The following SELP variants were observed in gnomAD, a reference collection of about 807,000 sequenced individuals.
The protein encoded by SELP is selectin P.
A neutral mutation model predicts 104.1 loss-of-function variants in SELP; 92 were observed. That is an observed-to-expected ratio of 0.88 (90% CI 0.75 to 1.05). The LOEUF is 1.05. Ranked by LOEUF, SELP falls within the 50% of genes least tolerant of loss-of-function variation. The pLI is 0.00. For synonymous variants in SELP, 397 were observed against 364.5 expected (o/e 1.09, Z -1.01); for missense variants, 1,022 against 1,017.3 (o/e 1.00, Z -0.06).
At chr1:169,603,321 G>C (rs879406224) in intron 9 of SELP, 110 bp from the exon 10 acceptor site, 25,838 of 526,104 alleles carry the variant, frequency 0.049, 900 homozygotes, top group East Asian at 0.21. Flanking sequence ...GTGTGTGTGT[G>C]TGTGTGTGTG....
chr1:169,628,798 A>G (rs908490322), intron 1 of SELP, among the ~76,000 whole-genome samples: 5 of 152,244 alleles, frequency 3.3e-5, no homozygotes, highest in African/African-American at 7.2e-5. Context: ...ATTCAGAAGT[A>G]TGACATGCAA....
At chr1:169,622,650 T>C (rs1663192638) in intron 1 of SELP, among the ~76,000 whole-genome samples, 1 of 152,246 alleles carries the variant, frequency 6.6e-6, no homozygotes, top group Admixed American at 6.5e-5. Context: ...GTACTGAAAG[T>C]AGTTGTCATG....
chr1:169,613,710 A>G lies in SELP; in HGVS notation c.482-17T>C. The G allele has an allele frequency of 6.2e-7, 1 of 1,605,334 alleles. No individual in the cohort carries two copies. The highest frequency in any genetic ancestry group is 8.5e-7 in the Non-Finnish European group (1 of 1,172,126). ...GGCAGGAGGCTGCATAGATATGGAAAGGTCAGAGTCATGGACATTCACAGA... is the reference window on the plus strand; with the variant it reads ...GGCAGGAGGCTGCATAGATATGGAAGGGTCAGAGTCATGGACATTCACAGA... On this transcript the variant is annotated splice_polypyrimidine_tract_variant and intron_variant, in intron 3 of 16. Transcript: ENST00000263686.
chr1:169,609,513 C>T lies in SELP; in HGVS notation c.1324G>A (p.Val442Ile). ...NLGQWTAPAPVCQALQCQDLP... is the reference protein window; with the variant it reads ...NLGQWTAPAPICQALQCQDLP... The stretch of plus-strand genomic sequence containing the variant: ...ACCACTGTTACAGTACCTTGACAGA[C>T]TGGGGCTGGTGCTGTCCACTGTCCC... Residue 442 changes from valine (V) to isoleucine (I), a missense_variant, in exon 8 of 17, where the codon GTC (valine) becomes ATC (isoleucine). Val to Ile is a conservative substitution (Grantham distance 29). Transcript: ENST00000263686. 1 of 1,612,612 alleles carries T rather than the reference C, an allele frequency of 6.2e-7. No individual in the cohort carries two copies. The highest frequency in any genetic ancestry group is 8.5e-7 in the Non-Finnish European group (1 of 1,179,246).
Position 169,591,441 on chromosome 1 carries a change from G to A in SELP, c.2423C>T (p.Pro808Leu), listed in dbSNP as rs938986069. 1.9e-6 allele frequency: 3 copies of A among 1,582,398 alleles called. No homozygotes were observed. The highest frequency in any genetic ancestry group is 3.7e-5 in the Admixed American group (2 of 54,530). ...TCTACCTTACCTGTGAGGATTCAAG[G>A]GGCATTTCCCATCATCTAAAATCAG... ...RFRQKDDGKC[P>L]LNPHSHLGTY... The change falls in exon 15 of 17, where the codon CCC becomes CTC. Residue 808 changes from proline (P) to leucine (L), a missense_variant. By Grantham distance (98) the Pro-to-Leu change is moderately conservative (BLOSUM62 -3). Transcript: ENST00000263686.
At chr1:169,591,106 A>T (rs1571615266) in intron 15 of SELP, among the ~76,000 whole-genome samples, 1 of 152,176 alleles carries the variant, frequency 6.6e-6, no homozygotes, top group African/African-American at 2.4e-5. Flanking sequence ...TTCCCCCATC[A>T]GTCCACCTGC....
Position 169,598,276 on chromosome 1 carries a change from T to C in SELP, c.1706-1100A>G, listed in dbSNP as rs144995961. ...TTGGGTTATAGACAAATGAAGTGAC[T>C]ATTCTTTCTTTAAATCTAAGGCTAT... is the stretch of plus-strand genomic sequence containing the variant. On this transcript the variant is annotated intron_variant, in intron 10 of 16. Transcript: ENST00000263686. Among the ~76,000 whole-genome samples, 908 of 152,342 alleles carry C rather than the reference T, an allele frequency of 6.0e-3. 10 individuals carry two copies. The highest frequency in any genetic ancestry group is 0.021 in the African/African-American group (879 of 41,564).
At chr1:169,618,447 G>A (rs1411347046) in intron 2 of SELP, among the ~76,000 whole-genome samples, 1 of 152,178 alleles carries the variant, frequency 6.6e-6, no homozygotes, top group Admixed American at 6.5e-5. Flanking sequence ...AGGTACTACA[G>A]CACTCTTATC....
rs1557963517 is a variant in SELP at position 169,612,252 on chromosome 1, G to A, written c.926C>T (p.Ser309Leu). The A allele has an allele frequency of 8.1e-6, 13 of 1,614,058 alleles. No homozygotes were observed. Among genetic ancestry groups the A allele is most frequent in the Admixed American group, 1.7e-5 (1 of 60,020 alleles). Residue 309 changes from serine (S) to leucine (L), a missense_variant, in exon 6 of 17, where the codon TCG (serine) becomes TTG (leucine). Physicochemically the swap from Ser to Leu is moderately radical, Grantham distance 145. Coordinates refer to ENST00000263686, the MANE Select transcript of SELP (RefSeq NM_003005.4). ...TGGGGCTGGGGCTGTCCATACCCCC[G>A]AGGCTGTGCATTGCACCACTTCCGG... ...VGPEVVQCTA[S>L]GVWTAPAPVC...
Position 169,617,368 on chromosome 1 carries a change from G to T in SELP, c.141C>A (p.Ser47Arg). ...KEVAAWTYHY[S>R]TKAYSWNISR... The stretch of plus-strand genomic sequence containing the variant: ...AAATATTCCATGAGTATGCTTTTGT[G>T]CTGTAATGATAAGTCCATGCTGCCA... The change falls in exon 3 of 17, where the codon AGC becomes AGA. Residue 47 changes from serine to arginine, a missense_variant. By Grantham distance (110) the Ser-to-Arg change is moderately radical. Transcript: ENST00000263686. 1 of 1,614,058 alleles carries T rather than the reference G, an allele frequency of 6.2e-7. No homozygotes were observed. Among genetic ancestry groups the T allele is most frequent in the Non-Finnish European group, 8.5e-7 (1 of 1,179,972 alleles).
Position 169,621,173 on chromosome 1 carries a change from G to T in SELP, c.4-1954C>A, listed in dbSNP as rs1250330776. 1.8e-4 allele frequency among the ~76,000 whole-genome samples: 25 copies of T among 140,818 alleles called. 3 individuals carry two copies. Among genetic ancestry groups the T allele is most frequent in the African/African-American group, 4.8e-4 (17 of 35,334 alleles). The allele number at this position is 140,818 out of a possible 152,430, so 92.4% of individuals were successfully genotyped here. ...CATGGGACTGTGTGGGGTTGTGTGT[G>T]TGTTCGTGTGTCATGCCCCAGTGAT... On this transcript the variant is annotated intron_variant, in intron 1 of 16. Coordinates refer to ENST00000263686, the MANE Select transcript of SELP (RefSeq NM_003005.4).
chr1:169,617,139 T>C lies in SELP; in HGVS notation c.370A>G (p.Asn124Asp), dbSNP rs1557968812. Residue 124 changes from asparagine (N) to aspartate (D), a missense_variant, in exon 3 of 17, where the codon AAC (asparagine) becomes GAC (aspartate). Physicochemically the swap from Asn to Asp is conservative, Grantham distance 23. Transcript: ENST00000263686. ...AENWADNEPNNKRNNEDCVEI... is the reference protein window; with the variant it reads ...AENWADNEPNDKRNNEDCVEI... ...ACGCAGTCCTCGTTGTTCCTTTTGT[T>C]GTTAGGTTCATTATCAGCCCAGTTC... 5 of 1,614,168 alleles carry C rather than the reference T, an allele frequency of 3.1e-6. No individual in the cohort carries two copies. Among genetic ancestry groups the C allele is most frequent in the Non-Finnish European group, 4.2e-6 (5 of 1,180,030 alleles).
intron 11 of SELP, 50 bp from the exon 12 acceptor site, chr1:169,596,184 G>C: frequency 2.0e-6 from 3 of 1,505,282 alleles, no homozygotes; most frequent in Non-Finnish European, 2.8e-6. Flanking sequence ...TAAAAGAAGC[G>C]TTAACAGAGT....
Position 169,616,980 on chromosome 1 carries a change from G to GC in SELP, c.481+47_481+48insG. 4.0e-6 allele frequency: 6 copies of GC among 1,494,046 alleles called. No individual in the cohort carries two copies. The South Asian group carries it at 8.1e-5, about 20-fold the overall frequency. 92.5% of individuals were successfully genotyped at this position (1,494,046 alleles called of 1,614,324 possible). ...TTATGTTGGCCAACCAGAGAAGGCAGGGTTTTTTTTTTTTAACAGGAAAGT... is the reference window on the plus strand; with the variant it reads ...TTATGTTGGCCAACCAGAGAAGGCAGCGGTTTTTTTTTTTTAACAGGAAAGT... On this transcript the variant is annotated intron_variant, in intron 3 of 16. Transcript: ENST00000263686.
chr1:169,598,305 GACA>G (rs1262710598), intron 10 of SELP, among the ~76,000 whole-genome samples: 3 of 152,100 alleles, frequency 2.0e-5, no homozygotes, highest in Admixed American at 6.5e-5. Context: ...AGGCTATTCT[GACA>G]ACAATACCTT....
intron 8 of SELP, among the ~76,000 whole-genome samples, chr1:169,608,788 G>A: frequency 6.6e-6 from 1 of 152,104 alleles, no homozygotes; most frequent in East Asian, 1.9e-4. Context: ...CTCCGTAAAT[G>A]AAAACACAAA....
At chr1:169,597,839 C>T (rs573461567) in intron 10 of SELP, among the ~76,000 whole-genome samples, 3 of 152,188 alleles carry the variant, frequency 2.0e-5, no homozygotes, top group Non-Finnish European at 4.4e-5. Flanking sequence ...GAGAATTTTT[C>T]CACTTTTATG....
At chr1:169,614,401 T>C (rs1034389808) in intron 3 of SELP, among the ~76,000 whole-genome samples, 1 of 152,188 alleles carries the variant, frequency 6.6e-6, no homozygotes, top group Non-Finnish European at 1.5e-5. Flanking sequence ...TTCACCAAGA[T>C]AGTGCCACTC....
intron 10 of SELP, among the ~76,000 whole-genome samples, chr1:169,602,505 A>G (rs566108956): frequency 4.2e-4 from 64 of 152,330 alleles, no homozygotes; most frequent in African/African-American, 1.5e-3. Flanking sequence ...AACCTCTTTA[A>G]GCTTGTGTCT....
Sources: gnomAD v4.1 joint callset for allele counts (sites outside exome capture counted in the v4.1 genomes callset) on GRCh38, gnomAD v4.1.1 for gene constraint, MANE v1.5 for transcripts, NCBI Gene and HGNC (gene_info 2026-07-23, HGNC 2026-07-21) for gene names.